Variants in LRRC37A2 observed in about 807,000 individuals in gnomAD.
LRRC37A2 encodes the protein leucine-rich repeat-containing protein 37A2.
In LRRC37A2, 9 loss-of-function variants were observed where a neutral mutation model predicts 68.8. The observed-to-expected ratio is 0.13, with a 90% confidence interval of 0.08 to 0.23. LRRC37A2 has a LOEUF of 0.23. Among genes scored for constraint, LRRC37A2 ranks in the 10% least tolerant of loss-of-function variants. LRRC37A2 has a pLI of 1.00. For synonymous variants in LRRC37A2, 63 were observed against 367.6 expected (o/e 0.17, Z 9.48); for missense variants, 168 against 950.4 (o/e 0.18, Z 10.82).
At chr17:46,741,308 A>G in the LRRC37A2 span, among the ~76,000 whole-genome samples, 3 of 152,332 alleles carry the variant, frequency 2.0e-5, no homozygotes, top group East Asian at 5.8e-4. Flanking sequence ...ACAAATTGGA[A>G]TTAGATATCC....
At chr17:46,810,004 C>CTTTTTTTTTTTT in the LRRC37A2 span, among the ~76,000 whole-genome samples, 1 of 126,390 alleles carries the variant, frequency 7.9e-6, no homozygotes, top group African/African-American at 3.0e-5. Flanking sequence ...TTCTTTCTTT[C>CTTTTTTTTTTTT]TTTTTTTTTT....
the LRRC37A2 span, among the ~76,000 whole-genome samples, chr17:46,657,975 T>A: frequency 4.6e-5 from 3 of 65,434 alleles, no homozygotes; most frequent in African/African-American, 1.1e-4. Flanking sequence ...TATTTATTTT[T>A]TTTTTTTTTG....
the LRRC37A2 span, among the ~76,000 whole-genome samples, chr17:46,984,787 A>G: frequency 1.3e-5 from 2 of 152,352 alleles, no homozygotes; most frequent in African/African-American, 4.8e-5. Flanking sequence ...ACGTTTGTCA[A>G]TAAGTGTTCT....
the LRRC37A2 span, among the ~76,000 whole-genome samples, chr17:47,044,011 C>T: frequency 1.7e-5 from 2 of 120,366 alleles, no homozygotes; most frequent in African/African-American, 6.2e-5. Context: ...AGCCATTGCA[C>T]TCCAGCCTGG....
chr17:46,918,101 A>T, the LRRC37A2 span, among the ~76,000 whole-genome samples: 3 of 152,206 alleles, frequency 2.0e-5, no homozygotes, highest in Non-Finnish European at 4.4e-5. Context: ...GTTTTTTGAT[A>T]CGGAATCTCG....
chr17:46,938,096 C>T, the LRRC37A2 span: 1 of 202,610 alleles, frequency 4.9e-6, no homozygotes, highest in South Asian at 8.2e-5. Flanking sequence ...ATCCTGGCCT[C>T]AAGTAATCCT....
the LRRC37A2 span, among the ~76,000 whole-genome samples, chr17:46,975,761 C>T: frequency 3.3e-5 from 5 of 152,288 alleles, no homozygotes; most frequent in Admixed American, 2.6e-4. Flanking sequence ...AGTACACACG[C>T]GTCTTCACTA....
At chr17:46,923,862 C>A in the LRRC37A2 span, 1 of 397,622 alleles carries the variant, frequency 2.5e-6, no homozygotes, top group Non-Finnish European at 4.4e-6. Context: ...TGCTGAGATA[C>A]GTAGTTGAGT....
At chr17:46,892,581 C>T in the LRRC37A2 span, among the ~76,000 whole-genome samples, 1 of 152,210 alleles carries the variant, frequency 6.6e-6, no homozygotes, top group Non-Finnish European at 1.5e-5. Context: ...GGTGTCTGTC[C>T]ATCTGTCCAT....
the LRRC37A2 span, among the ~76,000 whole-genome samples, chr17:46,894,326 C>T: frequency 1.3e-5 from 2 of 152,194 alleles, no homozygotes; most frequent in Non-Finnish European, 2.9e-5. Context: ...TTCTCTGGGC[C>T]TTGGGCTCTT....
the LRRC37A2 span, among the ~76,000 whole-genome samples, chr17:46,814,312 C>T: frequency 6.6e-6 from 1 of 152,336 alleles, no homozygotes; most frequent in Admixed American, 6.5e-5. Context: ...TCAGCTCAGG[C>T]TCTTGGTATT....
the LRRC37A2 span, among the ~76,000 whole-genome samples, chr17:46,880,439 C>T: frequency 6.6e-6 from 1 of 152,190 alleles, no homozygotes; most frequent in African/African-American, 2.4e-5. Flanking sequence ...TTATTGAGCA[C>T]CAGGCAGCAT....
chr17:46,744,646 G>C, the LRRC37A2 span, among the ~76,000 whole-genome samples: 1 of 151,880 alleles, frequency 6.6e-6, no homozygotes, highest in Admixed American at 6.6e-5. Context: ...TCTTCCACTT[G>C]AACTTTTGTT....
At chr17:46,769,691 T>A in the LRRC37A2 span, 2 of 1,547,476 alleles carry the variant, frequency 1.3e-6, no homozygotes, top group Admixed American at 1.8e-5. Context: ...CCCACAGGGC[T>A]GCCGGAAGGG....
chr17:47,048,331 T>C, the LRRC37A2 span, among the ~76,000 whole-genome samples: 4 of 151,846 alleles, frequency 2.6e-5, no homozygotes, highest in Admixed American at 6.6e-5. Flanking sequence ...TTGACCTTCA[T>C]GCAGTCAGAA....
At chr17:46,811,427 C>T in the LRRC37A2 span, among the ~76,000 whole-genome samples, 13 of 152,248 alleles carry the variant, frequency 8.5e-5, no homozygotes, top group African/African-American at 2.9e-4. Flanking sequence ...GGTATGGGGC[C>T]GTGCCTGCTG....
the LRRC37A2 span, among the ~76,000 whole-genome samples, chr17:46,951,353 C>T: frequency 1.9e-4 from 29 of 152,280 alleles, no homozygotes; most frequent in East Asian, 5.6e-3. Context: ...TCCATGACAA[C>T]AGCAAGCTCC....
the LRRC37A2 span, among the ~76,000 whole-genome samples, chr17:47,025,679 T>A: frequency 7.8e-5 from 11 of 140,666 alleles, no homozygotes; most frequent in African/African-American, 2.4e-4. Flanking sequence ...TTGCTATGAA[T>A]GCTTGATTCT....
At chr17:46,971,057 G>A in the LRRC37A2 span, among the ~76,000 whole-genome samples, 10 of 151,924 alleles carry the variant, frequency 6.6e-5, no homozygotes, top group Non-Finnish European at 8.8e-5. Flanking sequence ...TTGTATCATC[G>A]CTTTAAAACA....
Sources: gnomAD v4.1 joint callset for allele counts (sites outside exome capture counted in the v4.1 genomes callset) on GRCh38, gnomAD v4.1.1 for gene constraint, MANE v1.5 for transcripts, NCBI Gene and HGNC (gene_info 2026-07-23, HGNC 2026-07-21) for gene names.